TBC1D5: variants seen among roughly 807,000 people sequenced by gnomAD.
TBC1D5 encodes TBC1 domain family, member 5.
TBC1D5 carries 75 observed loss-of-function variants against 100.3 expected under a neutral mutation model. That is an observed-to-expected ratio of 0.75 (90% CI 0.62 to 0.91). The LOEUF (loss-of-function observed/expected upper bound fraction) is 0.91, where lower values mean the gene tolerates loss of function less well. Ranked by LOEUF, TBC1D5 falls within the 40% of genes least tolerant of loss-of-function variation. The probability of loss-of-function intolerance (pLI) is 0.00; values close to 1 mark genes in which losing one functional copy is unlikely to be tolerated. For synonymous variants in TBC1D5, 323 were observed against 325.6 expected, an observed-to-expected ratio of 0.99 and a Z score of 0.09; for missense variants, 910 against 942.4, an observed-to-expected ratio of 0.97 and a Z score of 0.45.
intron 18 of TBC1D5, among the ~76,000 whole-genome samples, chr3:17,210,302 C>T (rs2072811540): frequency 6.6e-6 from 1 of 151,998 alleles, no homozygotes; most frequent in Admixed American, 6.6e-5. Context: ...ATTCTCCTGC[C>T]TCAGCCTCCC....
intron 4 of TBC1D5, among the ~76,000 whole-genome samples, chr3:17,418,908 C>T (rs572613107): frequency 1.3e-5 from 2 of 152,160 alleles, no homozygotes; most frequent in African/African-American, 2.4e-5. Context: ...ATACCAACCA[C>T]GGACTGAGAC....
At chr3:17,401,283 A>T (rs1236828990) in intron 8 of TBC1D5, among the ~76,000 whole-genome samples, 1 of 147,758 alleles carries the variant, frequency 6.8e-6, no homozygotes, top group Non-Finnish European at 1.5e-5. Flanking sequence ...TATAATACAC[A>T]TATATATGTA....
At chr3:17,696,306 C>T (rs1207881515) in intron 1 of TBC1D5, among the ~76,000 whole-genome samples, 1 of 151,912 alleles carries the variant, frequency 6.6e-6, no homozygotes, top group Non-Finnish European at 1.5e-5. Flanking sequence ...TCAATGAATC[C>T]AAGAGCTGGT....
chr3:17,617,015 A>C (rs995827234), intron 2 of TBC1D5, among the ~76,000 whole-genome samples: 1 of 152,178 alleles, frequency 6.6e-6, no homozygotes, highest in Non-Finnish European at 1.5e-5. Flanking sequence ...ATGTTTTTGC[A>C]GTTGCTCATA....
intron 17 of TBC1D5, among the ~76,000 whole-genome samples, chr3:17,216,745 C>T (rs750839359): frequency 4.6e-5 from 7 of 152,178 alleles, no homozygotes; most frequent in Admixed American, 3.3e-4. Flanking sequence ...CTCAATAACA[C>T]GGGGTCCTAG....
chr3:17,480,714 A>C (rs931544691), intron 3 of TBC1D5, among the ~76,000 whole-genome samples: 2 of 152,090 alleles, frequency 1.3e-5, no homozygotes, highest in Admixed American at 1.3e-4. Context: ...ACCTGCCTTC[A>C]GAAAGGAGCT....
At chr3:17,333,759 G>A (rs1313556992) in intron 13 of TBC1D5, among the ~76,000 whole-genome samples, 2 of 152,102 alleles carry the variant, frequency 1.3e-5, no homozygotes, top group Non-Finnish European at 2.9e-5. Flanking sequence ...AGAAGTGTTA[G>A]ATGTTTAAGA....
chr3:17,390,438 A>T (rs1287523630), intron 8 of TBC1D5, among the ~76,000 whole-genome samples: 1 of 152,166 alleles, frequency 6.6e-6, no homozygotes, highest in Non-Finnish European at 1.5e-5. Flanking sequence ...TCACCACATT[A>T]TAGTACATAA....
chr3:17,566,954 T>G (rs1294942250), intron 2 of TBC1D5, among the ~76,000 whole-genome samples: 3 of 151,826 alleles, frequency 2.0e-5, no homozygotes, highest in Non-Finnish European at 4.4e-5. Flanking sequence ...AGGAATGTCT[T>G]TGATATACAT....
intron 1 of TBC1D5, among the ~76,000 whole-genome samples, chr3:17,628,366 G>A (rs1490983823): frequency 6.7e-6 from 1 of 148,396 alleles, no homozygotes; most frequent in East Asian, 2.0e-4. Flanking sequence ...GTGAAACTCT[G>A]TCTTAGGAAA....
intron 2 of TBC1D5, among the ~76,000 whole-genome samples, chr3:17,536,046 A>C (rs2096278588): frequency 6.6e-6 from 1 of 152,172 alleles, no homozygotes; most frequent in Admixed American, 6.5e-5. Flanking sequence ...CACTAAATGA[A>C]GATTTACTGC....
At chr3:17,626,338 G>C (rs2063058024) in intron 1 of TBC1D5, among the ~76,000 whole-genome samples, 2 of 152,098 alleles carry the variant, frequency 1.3e-5, no homozygotes, top group Non-Finnish European at 2.9e-5. Flanking sequence ...TACCTTTCTT[G>C]TTTAACTTTT....
chr3:17,198,269 C>T (rs2070988437), intron 18 of TBC1D5, among the ~76,000 whole-genome samples: 1 of 152,052 alleles, frequency 6.6e-6, no homozygotes, highest in African/African-American at 2.4e-5. Context: ...AGCCATGAGC[C>T]CCCTCCAACC....
intron 2 of TBC1D5, among the ~76,000 whole-genome samples, chr3:17,580,304 C>T (rs1259405203): frequency 2.0e-5 from 3 of 151,906 alleles, no homozygotes; most frequent in African/African-American, 7.3e-5. Flanking sequence ...TTTTTAACCA[C>T]AGAATTCCTA....
Position 17,265,163 on chromosome 3 carries a change from AATC to A in TBC1D5, c.1246-6575_1246-6573del, listed in dbSNP as rs377627540. On this transcript the variant is annotated intron_variant, in intron 15 of 21. Transcript: ENST00000253692. The stretch of plus-strand genomic sequence containing the variant: ...GTTTGCTAGCATATGAGAATATAAT[AATC>A]AAAGTGATTTCCTGCAGTATGTCCA... 5.0e-4 allele frequency among the ~76,000 whole-genome samples: 76 copies of A among 152,324 alleles called. 1 individual carries two copies. In the East Asian group the frequency reaches 0.014, roughly 27 times the overall value.
chr3:17,206,956 C>A (rs2072275124), intron 18 of TBC1D5, among the ~76,000 whole-genome samples: 1 of 152,088 alleles, frequency 6.6e-6, no homozygotes, highest in Non-Finnish European at 1.5e-5. Context: ...TTTATTGAGG[C>A]AGGGGCTTGG....
chr3:17,651,282 A>G (rs182791153), intron 1 of TBC1D5, among the ~76,000 whole-genome samples: 10 of 152,168 alleles, frequency 6.6e-5, no homozygotes, highest in African/African-American at 2.4e-4. Flanking sequence ...AGTTTCCAAG[A>G]AGAGAAAACA....
At chr3:17,418,148 A>G (rs2094127831) in intron 4 of TBC1D5, among the ~76,000 whole-genome samples, 1 of 152,052 alleles carries the variant, frequency 6.6e-6, no homozygotes, top group Admixed American at 6.6e-5. Flanking sequence ...ATATTCTGTC[A>G]TTTGCAGGTT....
intron 2 of TBC1D5, among the ~76,000 whole-genome samples, chr3:17,594,613 C>T (rs1336913984): frequency 6.6e-6 from 1 of 152,146 alleles, no homozygotes; most frequent in Non-Finnish European, 1.5e-5. Context: ...TAAGAAAATA[C>T]CTTCATTTCC....
Sources: gnomAD v4.1 joint callset for allele counts (sites outside exome capture counted in the v4.1 genomes callset) on GRCh38, gnomAD v4.1.1 for gene constraint, MANE v1.5 for transcripts, NCBI Gene and HGNC (gene_info 2026-07-23, HGNC 2026-07-21) for gene names.